The following GRID1 variants were observed in gnomAD, a reference collection of about 807,000 sequenced individuals.
GRID1 encodes glutamate ionotropic receptor delta type subunit 1.
GRID1 carries 28 observed loss-of-function variants against 98.0 expected under a neutral mutation model. The ratio of observed to expected loss-of-function variants is 0.29; its 90% CI spans 0.21 to 0.39. The LOEUF (loss-of-function observed/expected upper bound fraction) is 0.39, where lower values mean the gene tolerates loss of function less well. Ranked by LOEUF, GRID1 falls within the 10% of genes least tolerant of loss-of-function variation. GRID1 has a pLI of 1.00. For missense variants in GRID1, 1,111 were observed against 1,340.5 expected (o/e 0.83, Z 2.67); for synonymous variants, 553 against 538.5 (o/e 1.03, Z -0.37).
intron 4 of GRID1, among the ~76,000 whole-genome samples, chr10:86,003,247 C>A (rs2131876227): frequency 6.6e-6 from 1 of 152,288 alleles, no homozygotes; most frequent in East Asian, 1.9e-4. Flanking sequence ...GCTGCCCTCA[C>A]TGAACTTTGT....
intron 2 of GRID1, among the ~76,000 whole-genome samples, chr10:86,320,821 C>T (rs1011858658): frequency 7.2e-5 from 11 of 152,038 alleles, no homozygotes; most frequent in African/African-American, 1.4e-4. Context: ...CGGAGAGAGC[C>T]GGGCGCGGTG....
intron 12 of GRID1, among the ~76,000 whole-genome samples, chr10:85,654,820 A>C (rs72841453): frequency 0.023 from 3,529 of 152,290 alleles, 106 homozygotes; most frequent in East Asian, 0.11. Flanking sequence ...GCCTGGATTC[A>C]ACCCAGGCCT....
rs1846024002 is a variant in GRID1, at chr10:86,206,304, T to G, written c.520+60A>C. The G allele has an allele frequency of 6.6e-7, 1 of 1,519,796 alleles. No individual in the cohort carries two copies. The allele number at this position is 1,519,796 out of a possible 1,614,324, so 94.1% of individuals were successfully genotyped here. ...CCAGGGCCCCACCCACTCTCAGGTC[T>G]CCCAGCATCTGGCCATCCCTGTCCC... On this transcript the variant is annotated intron_variant, in intron 3 of 15. Transcript: ENST00000327946. The surrounding 1 kb of genome is among the most constrained non-coding windows in gnomAD (Gnocchi z 4.1).
chr10:86,046,217 C>T (rs539214446), intron 4 of GRID1, among the ~76,000 whole-genome samples: 1 of 152,288 alleles, frequency 6.6e-6, no homozygotes, highest in Admixed American at 6.5e-5. Context: ...CATAAACCGC[C>T]CCCGAACCTA....
chr10:85,748,922 C>T (rs559849652), intron 8 of GRID1, among the ~76,000 whole-genome samples: 1 of 152,176 alleles, frequency 6.6e-6, no homozygotes, highest in Non-Finnish European at 1.5e-5. Flanking sequence ...TACCTCATTA[C>T]TTAAGCCAAA....
At chr10:86,328,064 T>C (rs1848078892) in intron 2 of GRID1, among the ~76,000 whole-genome samples, 1 of 152,194 alleles carries the variant, frequency 6.6e-6, no homozygotes, top group East Asian at 1.9e-4. Context: ...TGAAACTCTG[T>C]TTGAAATGTG....
intron 4 of GRID1, among the ~76,000 whole-genome samples, chr10:86,101,380 G>C (rs1318476507): frequency 6.6e-6 from 1 of 152,142 alleles, no homozygotes; most frequent in African/African-American, 2.4e-5. Flanking sequence ...CCATAATCAA[G>C]ATACGGAACA....
chr10:86,051,034 C>T (rs531633284), intron 4 of GRID1, among the ~76,000 whole-genome samples: 19 of 151,364 alleles, frequency 1.3e-4, no homozygotes, highest in Admixed American at 6.6e-4. Flanking sequence ...GCCAAGATTG[C>T]GCCATTGCAC....
chr10:85,980,165 T>C (rs1383270274), intron 4 of GRID1, among the ~76,000 whole-genome samples: 4 of 152,328 alleles, frequency 2.6e-5, no homozygotes, highest in Non-Finnish European at 5.9e-5. Flanking sequence ...TGAATTTCTC[T>C]TACCCGTCAG....
In GRID1 at chr10:86,103,971, C is replaced by T. The variant is rs565273624; in HGVS notation, c.726+34848G>A. The stretch of plus-strand genomic sequence containing the variant: ...TCCTCCTGGCCTCAGGAGGACAGCT[C>T]CCCCTGCCGCACTTCCCTCATAAGC... On this transcript the variant is annotated intron_variant, in intron 4 of 15. Transcript: ENST00000327946. Among the ~76,000 whole-genome samples the T allele has an allele frequency of 4.6e-5, 7 of 152,284 alleles. No homozygotes were observed. In the South Asian group the frequency reaches 8.3e-4, roughly 18 times the overall value.
At chr10:85,947,111 G>C (rs1842063362) in intron 4 of GRID1, among the ~76,000 whole-genome samples, 1 of 152,178 alleles carries the variant, frequency 6.6e-6, no homozygotes, top group Admixed American at 6.5e-5. Flanking sequence ...AGGAGAAGGG[G>C]ACAGGGGAAA....
At chr10:86,091,003 G>C (rs1362011188) in intron 4 of GRID1, among the ~76,000 whole-genome samples, 1 of 152,174 alleles carries the variant, frequency 6.6e-6, no homozygotes, top group Non-Finnish European at 1.5e-5. Context: ...GGGTCCCCTA[G>C]TAGCCCATTC....
rs557790062 is a variant in GRID1, at chr10:86,184,317, T to A, written c.520+22047A>T. On this transcript the variant is annotated intron_variant, in intron 3 of 15. Transcript: ENST00000327946. ...TGCTTTTACTGTTACATCTAAGAAA[T>A]CTTTGCCTAACCTAGGGTCACAATG... 3.9e-5 allele frequency among the ~76,000 whole-genome samples: 6 copies of A among 152,208 alleles called. No individual in the cohort carries two copies. In the South Asian group the frequency reaches 1.0e-3, roughly 26 times the overall value.
At chr10:85,808,886 C>G (rs1917146) in intron 8 of GRID1, among the ~76,000 whole-genome samples, 1 of 151,796 alleles carries the variant, frequency 6.6e-6, no homozygotes, top group Non-Finnish European at 1.5e-5. Context: ...ATAAAATAGT[C>G]AATAGAATTA....
chr10:86,193,293 A>C (rs1292619660), intron 3 of GRID1, among the ~76,000 whole-genome samples: 1 of 152,090 alleles, frequency 6.6e-6, no homozygotes, highest in Non-Finnish European at 1.5e-5. Flanking sequence ...TACTATAAAG[A>C]CCAATACAGG....
In GRID1 at chr10:85,750,244, C is replaced by T. The variant is rs539891453; in HGVS notation, c.1234-20630G>A. On this transcript the variant is annotated intron_variant, in intron 8 of 15. Coordinates refer to ENST00000327946, the MANE Select transcript of GRID1 (RefSeq NM_017551.3). ...AGAATCTTAATACATGATCATACAG[C>T]GCTCTCCCTCAACAAAAATTCAGAG... Among the ~76,000 whole-genome samples the T allele has an allele frequency of 5.3e-5, 8 of 151,204 alleles. 1 individual carries two copies. Among genetic ancestry groups the T allele is most frequent in the South Asian group, 2.1e-4 (1 of 4,784 alleles).
In GRID1 at chr10:85,860,075, G is replaced by A. The variant is rs772502862; in HGVS notation, c.952-3885C>T. Among the ~76,000 whole-genome samples, 35 of 152,158 alleles carry A rather than the reference G, an allele frequency of 2.3e-4. 1 individual carries two copies. The highest frequency in any genetic ancestry group is 2.6e-4 in the Admixed American group (4 of 15,274). ...CTCCCAGATGCATGGATGCTCACTC[G>A]TCATTGACCACCAGGGGCCAACAGC... On this transcript the variant is annotated intron_variant, in intron 6 of 15. Transcript: ENST00000327946.
At chr10:85,615,483 G>A (rs1055403048) in intron 14 of GRID1, among the ~76,000 whole-genome samples, 29 of 152,210 alleles carry the variant, frequency 1.9e-4, no homozygotes, top group African/African-American at 6.8e-4. Flanking sequence ...ATGTACTAAT[G>A]AGTAATGAAA....
At chr10:85,620,796 T>G (rs1483603748) in intron 13 of GRID1, among the ~76,000 whole-genome samples, 4 of 152,196 alleles carry the variant, frequency 2.6e-5, no homozygotes, top group Non-Finnish European at 5.9e-5. Context: ...CACATACATG[T>G]GTAATAAGCA....
Sources: gnomAD v4.1 joint callset for allele counts (sites outside exome capture counted in the v4.1 genomes callset) on GRCh38, gnomAD v4.1.1 for gene constraint, Gnocchi (gnomAD v3.1) non-coding constraint, MANE v1.5 for transcripts, NCBI Gene and HGNC (gene_info 2026-07-23, HGNC 2026-07-21) for gene names.